The following ELAPOR2 variants were observed in gnomAD, a reference collection of about 807,000 sequenced individuals.
ELAPOR2 encodes the protein endosome-lysosome associated apoptosis and autophagy regulator family member 2.
In ELAPOR2, 89 loss-of-function variants were observed where a neutral mutation model predicts 120.7. The ratio of observed to expected loss-of-function variants is 0.74; its 90% CI spans 0.62 to 0.88. ELAPOR2 has a LOEUF of 0.88. ELAPOR2 is among the 40% of genes least tolerant of loss of function. ELAPOR2 has a pLI of 0.00. For synonymous variants in ELAPOR2, 444 were observed against 444.9 expected (o/e 1.00, Z 0.03); for missense variants, 1,134 against 1,251.6 (o/e 0.91, Z 1.42).
intron 1 of ELAPOR2, among the ~76,000 whole-genome samples, chr7:87,049,054 C>G (rs775843191): frequency 1.3e-5 from 2 of 152,174 alleles, no homozygotes; most frequent in Non-Finnish European, 2.9e-5. Context: ...CACATTCATT[C>G]AACAAGCATT....
chr7:87,024,933 G>C (rs1373836108), intron 1 of ELAPOR2, among the ~76,000 whole-genome samples: 3 of 151,016 alleles, frequency 2.0e-5, no homozygotes, highest in African/African-American at 7.3e-5. Flanking sequence ...AAAATAAAAA[G>C]CAAGTATCAC....
chr7:86,889,238 T>C (rs1055965931), intron 21 of ELAPOR2, among the ~76,000 whole-genome samples: 2 of 152,088 alleles, frequency 1.3e-5, no homozygotes, highest in African/African-American at 2.4e-5. Context: ...CAATCACTAA[T>C]ATATCCTGTA....
rs200747508 is a variant in ELAPOR2 at position 86,908,508 on chromosome 7, T to G, written c.2395A>C (p.Ile799Leu). 56 of 1,580,154 alleles carry G rather than the reference T, an allele frequency of 3.5e-5. No individual in the cohort carries two copies. The highest frequency in any genetic ancestry group is 3.5e-5 in the Non-Finnish European group (41 of 1,161,778). The change falls in exon 17 of 22, where the codon ATA (isoleucine) becomes CTA (leucine). Residue 799 changes from isoleucine to leucine, a missense_variant. Ile to Leu is a conservative substitution (Grantham distance 5). Around this residue, in one of 3 missense-constraint regions of ELAPOR2, gnomAD observed 831 missense variants for 867.6 expected, o/e 0.96. Coordinates refer to ENST00000450689, the MANE Select transcript of ELAPOR2 (RefSeq NM_001142749.3). ...GGAACTGGGAACATATCTTCTTTTA[T>G]ATTAATATTTTTCAATGTGGTTTCA... ...TVETTLKNINIKEDMFPVPTS... is the reference protein window; with the variant it reads ...TVETTLKNINLKEDMFPVPTS...
At chr7:86,918,420 T>C (rs779149793) in intron 12 of ELAPOR2, 22 bp downstream of exon 12, 19 of 1,513,812 alleles carry the variant, frequency 1.3e-5, no homozygotes, top group Admixed American at 1.0e-4. Flanking sequence ...AATCTGCCTT[T>C]GAAAGCCGCC....
intron 1 of ELAPOR2, among the ~76,000 whole-genome samples, chr7:87,004,613 G>C (rs12704317): frequency 0.13 from 19,669 of 152,076 alleles, 1,615 homozygotes; most frequent in Non-Finnish European, 0.17. Context: ...TTGCTCAGCT[G>C]TGGTGGATTA....
chr7:86,889,128 T>C (rs1331380387), intron 21 of ELAPOR2, among the ~76,000 whole-genome samples: 1 of 152,094 alleles, frequency 6.6e-6, no homozygotes, highest in Non-Finnish European at 1.5e-5. Flanking sequence ...ACCTCAGCCA[T>C]CAAAGGCATT....
intron 1 of ELAPOR2, among the ~76,000 whole-genome samples, chr7:87,017,155 C>A (rs558806746): frequency 6.6e-6 from 1 of 152,180 alleles, no homozygotes; most frequent in Non-Finnish European, 1.5e-5. Context: ...CTTTTACATT[C>A]CTGGCAATCT....
At chr7:87,016,470 C>T (rs1054164823) in intron 1 of ELAPOR2, among the ~76,000 whole-genome samples, 1 of 151,208 alleles carries the variant, frequency 6.6e-6, no homozygotes, top group Non-Finnish European at 1.5e-5. Flanking sequence ...ATTTCCAGTG[C>T]TCTTAATTAA....
chr7:86,935,344 G>C (rs1485838202), intron 8 of ELAPOR2, among the ~76,000 whole-genome samples: 1 of 151,894 alleles, frequency 6.6e-6, no homozygotes, highest in Non-Finnish European at 1.5e-5. Context: ...CCCATGTCAG[G>C]TCTTCACCAT....
chr7:87,022,955 A>G (rs1794109530), intron 1 of ELAPOR2, among the ~76,000 whole-genome samples: 1 of 151,948 alleles, frequency 6.6e-6, no homozygotes, highest in African/African-American at 2.4e-5. Context: ...GTTGGAGTTC[A>G]TTGTAGATTC....
At chr7:86,901,038 A>C (rs1788700046) in intron 18 of ELAPOR2, among the ~76,000 whole-genome samples, 1 of 152,150 alleles carries the variant, frequency 6.6e-6, no homozygotes, top group Admixed American at 6.6e-5. Flanking sequence ...TTCTTTTATA[A>C]TTTTTGGTTT....
Position 86,905,129 on chromosome 7 carries a change from A to AGG in ELAPOR2, c.2558+2540_2558+2541insCC, listed in dbSNP as rs1417375910. Among the ~76,000 whole-genome samples, 496 of 148,886 alleles carry AGG rather than the reference A, an allele frequency of 3.3e-3. 3 individuals are homozygous for AGG. Among genetic ancestry groups the AGG allele is most frequent in the Non-Finnish European group, 4.4e-3 (294 of 66,908 alleles). ...AAGGAAGGAAGGAAGGAAGGAAGGA[A>AGG]AGAAAGAAAAGAAAAGAAAGAAGAG... On this transcript the variant is annotated intron_variant, in intron 18 of 21. Coordinates refer to ENST00000450689, the MANE Select transcript of ELAPOR2 (RefSeq NM_001142749.3).
chr7:86,887,202 A>T (rs1248757273), intron 21 of ELAPOR2, among the ~76,000 whole-genome samples: 1 of 152,118 alleles, frequency 6.6e-6, no homozygotes, highest in African/African-American at 2.4e-5. Context: ...GATCCTTCTT[A>T]TGAAAGATGA....
At chr7:87,046,503 G>A (rs2129016822) in intron 1 of ELAPOR2, among the ~76,000 whole-genome samples, 1 of 152,260 alleles carries the variant, frequency 6.6e-6, no homozygotes, top group Admixed American at 6.5e-5. Context: ...ATCTGATACA[G>A]TTTGGCTCTG....
At chr7:86,896,053 C>G (rs141231199) in intron 19 of ELAPOR2, among the ~76,000 whole-genome samples, 1,729 of 152,098 alleles carry the variant, frequency 0.011, 16 homozygotes, top group African/African-American at 0.033. Context: ...CGGCACTGAC[C>G]CTGTGTGCTC....
intron 2 of ELAPOR2, among the ~76,000 whole-genome samples, chr7:86,957,211 C>G (rs955710081): frequency 6.6e-6 from 1 of 152,222 alleles, no homozygotes; most frequent in African/African-American, 2.4e-5. Context: ...CTTCGCACAC[C>G]TGGAACTCAA....
intron 1 of ELAPOR2, among the ~76,000 whole-genome samples, chr7:87,043,494 G>A (rs998302406): frequency 6.6e-6 from 1 of 151,682 alleles, no homozygotes; most frequent in East Asian, 1.9e-4. Context: ...CATATAAACA[G>A]AGCCAAAGAC....
At chr7:87,038,071 T>G (rs552656716) in intron 1 of ELAPOR2, among the ~76,000 whole-genome samples, 2 of 152,278 alleles carry the variant, frequency 1.3e-5, no homozygotes, top group South Asian at 4.1e-4. Context: ...GAATGGCAAC[T>G]GAAAAAGAAG....
intron 1 of ELAPOR2, among the ~76,000 whole-genome samples, chr7:87,006,945 C>G (rs549649971): frequency 2.3e-4 from 35 of 152,180 alleles, no homozygotes; most frequent in African/African-American, 8.2e-4. Context: ...GTGAAAGAAG[C>G]CAGACACACA....
Sources: allele counts gnomAD v4.1 joint callset (sites outside exome capture counted in the v4.1 genomes callset), GRCh38; gene constraint gnomAD v4.1.1; regional missense constraint gnomAD v4.1.1; transcripts MANE v1.5; gene names NCBI Gene and HGNC (gene_info 2026-07-23, HGNC 2026-07-21).